Variants in TRPM1 observed in about 807,000 individuals in gnomAD.
TRPM1 encodes TRPM1-203 APA Isoform, Intron 10.
TRPM1 carries 113 observed loss-of-function variants against 149.4 expected under a neutral mutation model. That is an observed-to-expected ratio of 0.76 (90% CI 0.65 to 0.88). The LOEUF (loss-of-function observed/expected upper bound fraction) is 0.88. Among genes scored for constraint, TRPM1 ranks in the 40% least tolerant of loss-of-function variants. TRPM1 has a pLI of 0.00. For missense variants in TRPM1, 1,976 were observed against 2,038.7 expected (o/e 0.97, Z 0.59); for synonymous variants, 741 against 759.5 (o/e 0.98, Z 0.40).
At chr15:31,103,083 G>C (rs139140977), upstream of TRPM1, among the ~76,000 whole-genome samples, 1 of 152,266 alleles carries the variant, frequency 6.6e-6, no homozygotes, top group African/African-American at 2.4e-5. Context: ...GCTGATGGCC[G>C]GCACTGCCAT....
At chr15:31,015,946 TA>T (rs2032342245) in intron 27 of TRPM1, among the ~76,000 whole-genome samples, 1 of 152,120 alleles carries the variant, frequency 6.6e-6, no homozygotes, top group African/African-American at 2.4e-5. Context: ...TCATCAAAAT[TA>T]AAAAATAAAA....
intron 3 of TRPM1, among the ~76,000 whole-genome samples, chr15:31,073,964 A>AT (rs2034625125): frequency 6.6e-6 from 1 of 151,916 alleles, no homozygotes; most frequent in African/African-American, 2.4e-5. Context: ...AGATCATGTG[A>AT]TTTTTGTTTC....
Position 31,040,157 on chromosome 15 carries a change from C to A in TRPM1, c.2277G>T (p.Trp759Cys). ...TCSQMLLTDM[W>C]MGRLRMRKNP... ...TCTTCCGCATCCGCAGTCTTCCCAT[C>A]CACATATCGGTCAGCAGCATCTGGC... The change falls in exon 18 of 28, where the codon TGG (tryptophan) becomes TGT (cysteine). Residue 759 changes from tryptophan (W) to cysteine (C), a missense_variant. Transcript: ENST00000256552. This position sits in a 1 kb window ranked among gnomAD's most constrained non-coding sequence, Gnocchi z 4.2. 2 of 1,614,250 alleles carry A rather than the reference C, an allele frequency of 1.2e-6. No homozygotes were observed. The highest frequency in any genetic ancestry group is 1.7e-6 in the Non-Finnish European group (2 of 1,180,040).
chr15:31,128,973 C>T (rs803533), intron 1 of TRPM1, among the ~76,000 whole-genome samples: 79,572 of 152,126 alleles, frequency 0.52, 21,497 homozygotes, highest in African/African-American at 0.59. Context: ...GCATCATCTG[C>T]GCTTCCAGCC....
intron 27 of TRPM1, among the ~76,000 whole-genome samples, chr15:31,009,700 C>T (rs2032114219): frequency 1.3e-5 from 2 of 152,168 alleles, no homozygotes; most frequent in African/African-American, 4.8e-5. Context: ...TATTGCCCCA[C>T]ACTTCTCTGA....
At chr15:31,117,881 A>T (rs4779826) in intron 1 of TRPM1, among the ~76,000 whole-genome samples, 93,642 of 152,076 alleles carry the variant, frequency 0.62, 29,017 homozygotes, top group East Asian at 0.74. Context: ...TTGAAGATGC[A>T]AATAGAAACT....
At chr15:31,006,793 A>AT (rs1336727175) in intron 27 of TRPM1, among the ~76,000 whole-genome samples, 16 of 151,882 alleles carry the variant, frequency 1.1e-4, no homozygotes, top group African/African-American at 2.2e-4. Flanking sequence ...GTTATTTTTA[A>AT]TTTTTTTTAT....
chr15:31,005,934 C>T (rs1179012922), intron 27 of TRPM1, among the ~76,000 whole-genome samples: 1 of 152,170 alleles, frequency 6.6e-6, no homozygotes, highest in East Asian at 1.9e-4. Flanking sequence ...CATCTATTTA[C>T]ACATTGAATG....
chr15:31,025,402 G>C (rs375336161), intron 27 of TRPM1, among the ~76,000 whole-genome samples: 53 of 152,328 alleles, frequency 3.5e-4, no homozygotes, highest in African/African-American at 1.3e-3. Context: ...TCCTAGCTTA[G>C]GGTAGAGCAA....
chr15:31,113,360 T>C (rs1017542974), intron 1 of TRPM1, among the ~76,000 whole-genome samples: 17 of 151,934 alleles, frequency 1.1e-4, no homozygotes, highest in African/African-American at 2.2e-4. Flanking sequence ...AGGGCCACCA[T>C]GGACTGTCAC....
chr15:31,008,189 T>C (rs1288161129), intron 27 of TRPM1, among the ~76,000 whole-genome samples: 2 of 152,246 alleles, frequency 1.3e-5, no homozygotes, highest in African/African-American at 2.4e-5. Context: ...AGAAGACTTT[T>C]TTTCCTTGCC....
chr15:31,079,731 G>A, intron 2 of TRPM1, among the ~76,000 whole-genome samples: 1 of 152,208 alleles, frequency 6.6e-6, no homozygotes, highest in Admixed American at 6.5e-5. Flanking sequence ...ATGCATGCCT[G>A]TATGCTTACA....
chr15:31,128,576 G>A (rs2141040881), intron 1 of TRPM1, among the ~76,000 whole-genome samples: 1 of 152,272 alleles, frequency 6.6e-6, no homozygotes, highest in East Asian at 1.9e-4. Flanking sequence ...CACAACTGGG[G>A]GAGACGGTGC....
chr15:31,117,665 T>C (rs199952473), intron 1 of TRPM1, among the ~76,000 whole-genome samples: 7,261 of 135,496 alleles, frequency 0.054, 314 homozygotes, highest in African/African-American at 0.11. Context: ...AAAAAAAAAA[T>C]ACACACACAC....
chr15:31,112,199 A>G (rs573067610), intron 1 of TRPM1, among the ~76,000 whole-genome samples: 3 of 152,274 alleles, frequency 2.0e-5, no homozygotes, highest in East Asian at 3.9e-4. Context: ...TCAGAAATTG[A>G]GTGGCTGGGA....
chr15:31,061,189 C>T (rs569691870), intron 10 of TRPM1, among the ~76,000 whole-genome samples: 2 of 152,348 alleles, frequency 1.3e-5, no homozygotes, highest in East Asian at 3.9e-4. Context: ...AGCTGAAGCC[C>T]TCAATGAACC....
intron 1 of TRPM1, among the ~76,000 whole-genome samples, chr15:31,138,540 TA>T (rs2036119699): frequency 6.8e-6 from 1 of 147,620 alleles, no homozygotes; most frequent in African/African-American, 2.6e-5. Flanking sequence ...GTCAGTTGTC[TA>T]ATTAACAAAC....
At chr15:31,072,495 A>G (rs1167471689) in intron 3 of TRPM1, among the ~76,000 whole-genome samples, 1 of 152,122 alleles carries the variant, frequency 6.6e-6, no homozygotes, top group Non-Finnish European at 1.5e-5. Context: ...TTATGTAACA[A>G]GTTTTTGAGT....
At position 31,027,065 on chromosome 15, in the gene TRPM1, G is replaced by T. The variant is rs779371614; in HGVS notation, c.3346C>A (p.Arg1116=). The change falls in exon 26 of 28, where the codon CGA becomes AGA. Residue 1116 remains arginine, a synonymous_variant. Coordinates refer to ENST00000256552, the MANE Select transcript of TRPM1 (RefSeq NM_001252024.2). Reference sequence around the variant, plus strand: ...TGAAATGTCATAATCAGCTGATATCGCTGGAACTTCCACACCTGGTTGGAT... The same window carrying T: ...TGAAATGTCATAATCAGCTGATATCTCTGGAACTTCCACACCTGGTTGGAT... ...SISNQVWKFQ[R]YQLIMTFHDR... The T allele has an allele frequency of 6.2e-7, 1 of 1,614,040 alleles. No individual in the cohort carries two copies. The highest frequency in any genetic ancestry group is 8.5e-7 in the Non-Finnish European group (1 of 1,180,048).
Sources: allele counts gnomAD v4.1 joint callset (sites outside exome capture counted in the v4.1 genomes callset), GRCh38; gene constraint gnomAD v4.1.1; non-coding constraint Gnocchi (gnomAD v3.1); transcripts MANE v1.5; gene names NCBI Gene and HGNC (gene_info 2026-07-23, HGNC 2026-07-21).